The following VGLL4 variants were observed in gnomAD, a reference collection of about 807,000 sequenced individuals.
VGLL4 encodes transcription cofactor vestigial-like protein 4.
Under a neutral mutation model 21.0 loss-of-function variants are expected in VGLL4, and 7 were observed. That is an observed-to-expected ratio of 0.33 (90% CI 0.19 to 0.63). The LOEUF is 0.63. VGLL4 is among the 20% of genes least tolerant of loss of function. VGLL4 has a pLI of 0.78. For missense variants in VGLL4, 394 were observed against 425.7 expected (o/e 0.93, Z 0.66); for synonymous variants, 222 against 173.2 (o/e 1.28, Z -2.21).
At chr3:11,588,281 G>A (rs1198959481) in intron 2 of VGLL4, among the ~76,000 whole-genome samples, 1 of 152,190 alleles carries the variant, frequency 6.6e-6, no homozygotes, top group Non-Finnish European at 1.5e-5. Flanking sequence ...CAGGGAAGGG[G>A]ACAGACAGCT....
chr3:11,717,490 A>ATTTTTTTTTTTT (rs60921966), intron 1 of VGLL4, among the ~76,000 whole-genome samples: 846 of 72,910 alleles, frequency 0.012, 129 homozygotes, highest in African/African-American at 0.053. Flanking sequence ...CCCACTACAG[A>ATTTTTTTTTTTT]TTTTTTTTTT....
chr3:11,568,759 G>A lies in VGLL4; in HGVS notation c.273-3740C>T. 2 of 1,507,164 alleles carry A rather than the reference G, an allele frequency of 1.3e-6. No homozygotes were observed. The highest frequency in any genetic ancestry group is 2.6e-5 in the South Asian group (2 of 77,126). The allele number at this position is 1,507,164 out of a possible 1,614,324, so 93.4% of individuals were successfully genotyped here. On this transcript the variant is annotated intron_variant, in intron 2 of 4. Coordinates refer to ENST00000430365, the MANE Select transcript of VGLL4 (RefSeq NM_001128219.3). The surrounding 1 kb of genome is among the most constrained non-coding windows in gnomAD (Gnocchi z 5.9). Reference sequence around the variant, plus strand: ...ACCGCACGCATCCTGCCCGGGAGATGGAAGTCGCCTCCGCTCCTGGTCAGG... The same window carrying A: ...ACCGCACGCATCCTGCCCGGGAGATAGAAGTCGCCTCCGCTCCTGGTCAGG...
At position 11,566,821 on chromosome 3, in the gene VGLL4, C is replaced by T. The variant is rs188890695; in HGVS notation, c.273-1802G>A. 6.1e-4 allele frequency among the ~76,000 whole-genome samples: 93 copies of T among 152,332 alleles called. 1 individual carries two copies. Among genetic ancestry groups the T allele is most frequent in the Non-Finnish European group, 3.1e-4 (21 of 68,044 alleles). The stretch of plus-strand genomic sequence containing the variant: ...ACCCGCCCCTCCTCACACACGGCAG[C>T]CTCTGAGGGCGTCGAGTCCCTCCTG... On this transcript the variant is annotated intron_variant, in intron 2 of 4. Coordinates refer to ENST00000430365, the MANE Select transcript of VGLL4 (RefSeq NM_001128219.3).
At chr3:11,640,534 G>A (rs1258148091) in intron 1 of VGLL4, among the ~76,000 whole-genome samples, 2 of 152,190 alleles carry the variant, frequency 1.3e-5, no homozygotes, top group Non-Finnish European at 2.9e-5. Context: ...CATTAGTGAA[G>A]GGAATTAGTT....
chr3:11,563,178 T>C (rs2073180582), intron 3 of VGLL4, among the ~76,000 whole-genome samples: 1 of 152,244 alleles, frequency 6.6e-6, no homozygotes, highest in East Asian at 1.9e-4. Flanking sequence ...CTCACAGTTA[T>C]GTCCCCCAGG....
At chr3:11,579,784 C>T (rs1477737877) in intron 2 of VGLL4, among the ~76,000 whole-genome samples, 3 of 152,094 alleles carry the variant, frequency 2.0e-5, no homozygotes, top group Non-Finnish European at 4.4e-5. Flanking sequence ...GGTGACTCTT[C>T]ACTACTCTTT....
chr3:11,703,964 C>T (rs1469701866), intron 1 of VGLL4, among the ~76,000 whole-genome samples: 2 of 152,220 alleles, frequency 1.3e-5, no homozygotes, highest in African/African-American at 4.8e-5. Flanking sequence ...CACTGATCCA[C>T]GAGGCATGGT....
chr3:11,622,276 C>T (rs559676656), intron 1 of VGLL4, among the ~76,000 whole-genome samples: 1 of 152,134 alleles, frequency 6.6e-6, no homozygotes, highest in Non-Finnish European at 1.5e-5. Flanking sequence ...TATGCTGAAG[C>T]CCCAGCCATT....
intron 1 of VGLL4, among the ~76,000 whole-genome samples, chr3:11,642,438 T>C (rs1444520058): frequency 6.6e-6 from 1 of 152,148 alleles, no homozygotes; most frequent in Non-Finnish European, 1.5e-5. Context: ...TTTGTAACTG[T>C]TTTCTTTTTC....
chr3:11,647,281 G>C (rs17034956), upstream of VGLL4, among the ~76,000 whole-genome samples: 15,930 of 152,056 alleles, frequency 0.1, 963 homozygotes, highest in South Asian at 0.16. Context: ...TATGCTTCTC[G>C]GTGTGCAGGA....
chr3:11,628,167 TC>T (rs2075394373), intron 1 of VGLL4, among the ~76,000 whole-genome samples: 1 of 152,010 alleles, frequency 6.6e-6, no homozygotes, highest in Non-Finnish European at 1.5e-5. Flanking sequence ...GGTGGGCAGA[TC>T]ACCTGAGTTC....
At position 11,653,947 on chromosome 3, in the gene VGLL4, C is replaced by G. The variant is rs1005422234; in HGVS notation, c.64+49024G>C. Among the ~76,000 whole-genome samples, 6 of 152,140 alleles carry G rather than the reference C, an allele frequency of 3.9e-5. No individual in the cohort carries two copies. Among genetic ancestry groups the G allele is most frequent in the African/African-American group, 1.4e-4 (6 of 41,436 alleles). ...CAGAGGGAAGGGCCCCGGCCAGAGG[C>G]TCTCAACCAAGGAGATTCTGCCCTC... On this transcript the variant is annotated intron_variant, in intron 2 of 5. Coordinates refer to the VGLL4 transcript ENST00000273038. This position sits in a 1 kb window ranked among gnomAD's most constrained non-coding sequence, Gnocchi z 4.2.
At chr3:11,560,763 G>T (rs911678004) in intron 3 of VGLL4, among the ~76,000 whole-genome samples, 1 of 152,122 alleles carries the variant, frequency 6.6e-6, no homozygotes, top group Non-Finnish European at 1.5e-5. Flanking sequence ...CTTAGCAGCG[G>T]GACAGAGCTG....
At position 11,564,971 on chromosome 3, in the gene VGLL4, G is replaced by A; in HGVS notation, c.321C>T (p.Ser107=). Residue 107 remains serine, a synonymous_variant, in exon 3 of 5, where the codon AGC becomes AGT. Coordinates refer to ENST00000430365, the MANE Select transcript of VGLL4 (RefSeq NM_001128219.3). ...CCACAGCGCGCTCGATGGGGCTGCG[G>A]CTCCGCTCCCGGGGGTCTCTGCGGC... ...GDCRRDPRER[S]RSPIERAVAP... is the part of the protein sequence containing the mutation. 6.5e-7 allele frequency: 1 copy of A among 1,542,260 alleles called. No individual in the cohort carries two copies. The highest frequency in any genetic ancestry group is 8.7e-7 in the Non-Finnish European group (1 of 1,144,922).
intron 2 of VGLL4, among the ~76,000 whole-genome samples, chr3:11,573,377 A>C (rs918299290): frequency 6.8e-6 from 1 of 146,580 alleles, no homozygotes; most frequent in Non-Finnish European, 1.5e-5. Context: ...GAAAGAAAGA[A>C]AGAAAGAAAG....
At chr3:11,581,881 AG>A (rs2074238446) in intron 2 of VGLL4, among the ~76,000 whole-genome samples, 1 of 152,248 alleles carries the variant, frequency 6.6e-6, no homozygotes, top group African/African-American at 2.4e-5. Context: ...CCGAATCAGC[AG>A]CCAAACTATG....
In VGLL4 at chr3:11,557,328, C is replaced by T. The variant is rs1314706496; in HGVS notation, c.*1228G>A. On this transcript the variant is annotated 3_prime_UTR_variant, in exon 5 of 5. Coordinates refer to ENST00000430365, the MANE Select transcript of VGLL4 (RefSeq NM_001128219.3). The stretch of plus-strand genomic sequence containing the variant: ...CGAGGAAGCGTATAAAACACCATAT[C>T]ACAGATTGTCTGTCAGTAATCTGCT... 1 of 146,590 alleles carries T rather than the reference C, an allele frequency of 6.8e-6. No individual in the cohort carries two copies. The highest frequency in any genetic ancestry group is 1.5e-5 in the Non-Finnish European group (1 of 67,966). The allele number at this position is 146,590 out of a possible 1,614,324, so 9.1% of individuals were successfully genotyped here.
At chr3:11,606,877 G>A (rs186253142) in intron 1 of VGLL4, among the ~76,000 whole-genome samples, 35 of 152,252 alleles carry the variant, frequency 2.3e-4, no homozygotes, top group Non-Finnish European at 4.0e-4. Context: ...AATAAATCTT[G>A]CTGCTGCTCA....
intron 2 of VGLL4, among the ~76,000 whole-genome samples, chr3:11,667,980 A>G (rs1162097484): frequency 1.3e-5 from 2 of 149,508 alleles, no homozygotes; most frequent in Non-Finnish European, 3.0e-5. Context: ...CAGCCTCCCA[A>G]GTAGGTGGGA....
Sources: allele counts gnomAD v4.1 joint callset (sites outside exome capture counted in the v4.1 genomes callset), GRCh38; gene constraint gnomAD v4.1.1; non-coding constraint Gnocchi (gnomAD v3.1); transcripts MANE v1.5; gene names NCBI Gene and HGNC (gene_info 2026-07-23, HGNC 2026-07-21).